POLR3B: variants seen among roughly 807,000 people sequenced by gnomAD.
The protein encoded by POLR3B is RNA polymerase III subunit B, also known as DNA-directed RNA polymerase III subunit RPC2.
Under a neutral mutation model 147.4 loss-of-function variants are expected in POLR3B, and 96 were observed. The observed-to-expected ratio is 0.65, with a 90% confidence interval of 0.55 to 0.77. The LOEUF is 0.77. Among genes scored for constraint, POLR3B ranks in the 30% least tolerant of loss-of-function variants. The probability of loss-of-function intolerance (pLI) is 0.00; values close to 1 mark genes in which losing one functional copy is unlikely to be tolerated. For synonymous variants in POLR3B, 461 were observed against 485.9 expected, an observed-to-expected ratio of 0.95 and a Z score of 0.67; for missense variants, 1,036 against 1,413.5, an observed-to-expected ratio of 0.73 and a Z score of 4.28.
At chr12:106,368,942 C>T (rs975009255) in intron 4 of POLR3B, among the ~76,000 whole-genome samples, 11 of 151,772 alleles carry the variant, frequency 7.2e-5, no homozygotes, top group African/African-American at 2.7e-4. Context: ...GCCTTTATGG[C>T]CTCTTCTTTC....
intron 16 of POLR3B, among the ~76,000 whole-genome samples, chr12:106,436,556 A>G (rs1032080654): frequency 1.3e-5 from 2 of 152,228 alleles, no homozygotes; most frequent in Non-Finnish European, 2.9e-5. Flanking sequence ...ACATCTGGAT[A>G]TTCATCAGAA....
At chr12:106,428,179 G>A (rs964470319) in intron 13 of POLR3B, among the ~76,000 whole-genome samples, 5 of 152,284 alleles carry the variant, frequency 3.3e-5, no homozygotes, top group East Asian at 3.9e-4. Flanking sequence ...GCCCAAAGTC[G>A]TCTGAGGTGG....
At chr12:106,468,052 G>A (rs1364360279) in intron 23 of POLR3B, among the ~76,000 whole-genome samples, 3 of 152,160 alleles carry the variant, frequency 2.0e-5, no homozygotes, top group African/African-American at 4.8e-5. Context: ...TGTACCTCTG[G>A]TAGAATTTGG....
intron 14 of POLR3B, among the ~76,000 whole-genome samples, chr12:106,431,733 A>G (rs2037513632): frequency 6.6e-6 from 1 of 152,158 alleles, no homozygotes; most frequent in East Asian, 1.9e-4. Flanking sequence ...AAATTTTGCC[A>G]GTTGTCCCAC....
At chr12:106,418,565 T>G (rs754783959) in intron 12 of POLR3B, among the ~76,000 whole-genome samples, 3 of 152,242 alleles carry the variant, frequency 2.0e-5, no homozygotes, top group Non-Finnish European at 4.4e-5. Context: ...GAAACTGTAT[T>G]TCAGCAGCTT....
intron 15 of POLR3B, among the ~76,000 whole-genome samples, chr12:106,432,916 A>G (rs938545577): frequency 1.3e-5 from 2 of 152,072 alleles, no homozygotes; most frequent in Admixed American, 6.5e-5. Flanking sequence ...TTTGGCTCAC[A>G]CTCCAGTTAT....
chr12:106,387,336 G>A (rs984790719), intron 9 of POLR3B, among the ~76,000 whole-genome samples: 1 of 152,032 alleles, frequency 6.6e-6, no homozygotes, highest in African/African-American at 2.4e-5. Flanking sequence ...TCCTCTAGTG[G>A]GGCATTTAGG....
At position 106,457,238 on chromosome 12, in the gene POLR3B, T is replaced by C. The variant is rs763853811; in HGVS notation, c.2394T>C (p.Ala798=). Residue 798 remains alanine, a synonymous_variant, in exon 21 of 28, where the codon GCT becomes GCC. Coordinates refer to ENST00000228347, the MANE Select transcript of POLR3B (RefSeq NM_018082.6). ...DKVMGPMLDA[A]TRKPIWRHEI... ...TGATGGGGCCCATGTTGGATGCTGC[T>C]ACAAGGAAACCTATCTGGCGACATG... 1.2e-6 allele frequency: 2 copies of C among 1,613,706 alleles called. No individual in the cohort carries two copies. Among genetic ancestry groups the C allele is most frequent in the Non-Finnish European group, 8.5e-7 (1 of 1,179,614 alleles).
At chr12:106,407,700 A>G (rs974836489) in intron 11 of POLR3B, among the ~76,000 whole-genome samples, 6 of 151,968 alleles carry the variant, frequency 3.9e-5, no homozygotes, top group Non-Finnish European at 8.8e-5. Flanking sequence ...GTGGTGGTGC[A>G]TGCCTGTAAT....
At chr12:106,393,767 T>TACACACACAC (rs34402190) in intron 10 of POLR3B, among the ~76,000 whole-genome samples, 6 of 128,030 alleles carry the variant, frequency 4.7e-5, no homozygotes, top group South Asian at 5.4e-4. Flanking sequence ...GACTGAGAAA[T>TACACACACAC]ACACACACAC....
intron 19 of POLR3B, among the ~76,000 whole-genome samples, chr12:106,445,770 A>G (rs2037714247): frequency 6.6e-6 from 1 of 152,204 alleles, no homozygotes. Context: ...AAATACAGAG[A>G]GGGAGGCATT....
At chr12:106,457,097 G>A (rs752040349) in intron 20 of POLR3B, 41 bp from the exon 21 acceptor site, 2 of 1,561,908 alleles carry the variant, frequency 1.3e-6, no homozygotes, top group Admixed American at 3.3e-5. Context: ...TATAGCTTTG[G>A]GTTACTGGTG....
At chr12:106,390,913 G>T (rs900175473) in intron 9 of POLR3B, among the ~76,000 whole-genome samples, 1 of 152,158 alleles carries the variant, frequency 6.6e-6, no homozygotes, top group African/African-American at 2.4e-5. Context: ...AGTAGCATGT[G>T]CCTGTAGTCC....
At position 106,509,738 on chromosome 12, in the gene POLR3B, C is replaced by G; in HGVS notation, c.*189C>G. 1.9e-6 allele frequency: 1 copy of G among 535,582 alleles called. No individual in the cohort carries two copies. The highest frequency in any genetic ancestry group is 3.4e-6 in the Non-Finnish European group (1 of 295,870). The allele number at this position is 535,582 out of a possible 1,614,324, so 33.2% of individuals were successfully genotyped here. On this transcript the variant is annotated 3_prime_UTR_variant, in exon 28 of 28. Coordinates refer to ENST00000228347, the MANE Select transcript of POLR3B (RefSeq NM_018082.6). ...GGCTAAACAACCTTGATCATTGAGC[C>G]TCGAGCCATGGGAGAGATGCTGACC... is the stretch of plus-strand genomic sequence containing the variant.
chr12:106,509,406 G>T lies in POLR3B; in HGVS notation c.3273-14G>T. 1 of 1,613,382 alleles carries T rather than the reference G, an allele frequency of 6.2e-7. No homozygotes were observed. The highest frequency in any genetic ancestry group is 1.1e-5 in the South Asian group (1 of 91,012). ...AGTTGCTGTCTGTCTAACGCTTGCTGACTTGCGTTTCAGGTGCCATTACTG... is the reference window on the plus strand; with the variant it reads ...AGTTGCTGTCTGTCTAACGCTTGCTTACTTGCGTTTCAGGTGCCATTACTG... On this transcript the variant is annotated splice_polypyrimidine_tract_variant and intron_variant, in intron 27 of 27. Coordinates refer to ENST00000228347, the MANE Select transcript of POLR3B (RefSeq NM_018082.6).
chr12:106,363,322 A>G (rs972613032), intron 1 of POLR3B, among the ~76,000 whole-genome samples: 1 of 152,176 alleles, frequency 6.6e-6, no homozygotes, highest in African/African-American at 2.4e-5. Flanking sequence ...CCAAATTTCT[A>G]GTAGCCCCTC....
chr12:106,453,089 A>C (rs1025992358), intron 19 of POLR3B, among the ~76,000 whole-genome samples: 1 of 144,662 alleles, frequency 6.9e-6, no homozygotes, highest in African/African-American at 2.6e-5. Context: ...TAGTGGTATG[A>C]TCTTAGCTCA....
rs553866507 is a variant in POLR3B at position 106,450,587 on chromosome 12, C to T, written c.2084-3915C>T. 9.2e-5 allele frequency among the ~76,000 whole-genome samples: 14 copies of T among 152,224 alleles called. 1 individual carries two copies. The South Asian group carries it at 2.5e-3, about 27-fold the overall frequency. On this transcript the variant is annotated intron_variant, in intron 19 of 27. Transcript: ENST00000228347. ...AAGTTTTGGCATGACCAAATAAGCA[C>T]ATGAAACTGTGTTCAGCATTATTAG...
intron 11 of POLR3B, among the ~76,000 whole-genome samples, chr12:106,406,575 A>G (rs2037153890): frequency 6.6e-6 from 1 of 152,218 alleles, no homozygotes; most frequent in African/African-American, 2.4e-5. Flanking sequence ...AGTTCACATT[A>G]TCCAGCCTCC....
Sources: gnomAD v4.1 joint callset for allele counts (sites outside exome capture counted in the v4.1 genomes callset) on GRCh38, gnomAD v4.1.1 for gene constraint, MANE v1.5 for transcripts, NCBI Gene and HGNC (gene_info 2026-07-23, HGNC 2026-07-21) for gene names.